AFG2B: variants seen among roughly 807,000 people sequenced by gnomAD.
The protein encoded by AFG2B is AAA ATPase AFG2B.
the AFG2B span, among the ~76,000 whole-genome samples, chr15:45,403,946 G>T: frequency 1.3e-5 from 2 of 152,280 alleles, no homozygotes; most frequent in Non-Finnish European, 2.9e-5. Context: ...GAAATAAAAA[G>T]GGAGAAGGTG....
At chr15:45,410,433 C>T in the AFG2B span, 1 of 1,613,918 alleles carries the variant, frequency 6.2e-7, no homozygotes, top group Non-Finnish European at 8.5e-7. Context: ...AATATTCAGC[C>T]CTCATCGTTT....
At chr15:45,403,528 C>T in the AFG2B span, 3 of 1,599,820 alleles carry the variant, frequency 1.9e-6, no homozygotes, top group Non-Finnish European at 1.7e-6. Context: ...GGTGAATGGG[C>T]TTGGCGGGTT....
the AFG2B span, chr15:45,418,677 A>G: frequency 6.2e-7 from 1 of 1,602,062 alleles, no homozygotes; most frequent in Non-Finnish European, 8.5e-7. Context: ...AAACCTCTGC[A>G]CAGAAGTAAG....
chr15:45,403,686 A>T, the AFG2B span, among the ~76,000 whole-genome samples: 1 of 152,090 alleles, frequency 6.6e-6, no homozygotes, highest in Non-Finnish European at 1.5e-5. Flanking sequence ...ATGATCTGTG[A>T]GTCAGGACCT....
the AFG2B span, among the ~76,000 whole-genome samples, chr15:45,409,816 A>G: frequency 6.6e-6 from 1 of 152,148 alleles, no homozygotes; most frequent in African/African-American, 2.4e-5. Flanking sequence ...GCAGTGAGCT[A>G]TGATAACATC....
the AFG2B span, chr15:45,407,055 CA>C: frequency 2.6e-5 from 33 of 1,289,198 alleles, no homozygotes; most frequent in African/African-American, 2.1e-4. Context: ...AAGCACCTCT[CA>C]CTTAGGTGGA....
chr15:45,413,545 G>C, the AFG2B span, among the ~76,000 whole-genome samples: 1 of 152,158 alleles, frequency 6.6e-6, no homozygotes, highest in Non-Finnish European at 1.5e-5. Flanking sequence ...TCTGTTTTAT[G>C]TTTCAAATAT....
chr15:45,407,349 G>A, the AFG2B span: 3 of 599,166 alleles, frequency 5.0e-6, no homozygotes, highest in Non-Finnish European at 7.0e-6. Context: ...TCCTATTAAA[G>A]GATTAGAACT....
chr15:45,412,400 A>G, the AFG2B span, among the ~76,000 whole-genome samples: 2 of 120,624 alleles, frequency 1.7e-5, no homozygotes, highest in Non-Finnish European at 3.0e-5. Flanking sequence ...CTCCGTCTCA[A>G]AAAAAAAAAA....
the AFG2B span, chr15:45,405,618 A>G: frequency 1.0e-6 from 1 of 968,628 alleles, no homozygotes. Flanking sequence ...GATAGCTTCC[A>G]CAGCTGTTGC....
chr15:45,402,706 A>T, the AFG2B span: 1 of 1,568,234 alleles, frequency 6.4e-7, no homozygotes, highest in Non-Finnish European at 8.6e-7. Flanking sequence ...ATCCCGGAGG[A>T]GTCTCAGCCT....
the AFG2B span, chr15:45,403,402 G>A: frequency 6.2e-7 from 1 of 1,610,688 alleles, no homozygotes; most frequent in South Asian, 1.1e-5. Context: ...AGTGGCCCAG[G>A]TGTTGACGCT....
chr15:45,402,711 C>T, the AFG2B span: 1 of 1,566,212 alleles, frequency 6.4e-7, no homozygotes, highest in Non-Finnish European at 8.6e-7. Flanking sequence ...GGAGGAGTCT[C>T]AGCCTGAATC....
the AFG2B span, among the ~76,000 whole-genome samples, chr15:45,416,490 C>T: frequency 6.6e-6 from 1 of 152,088 alleles, no homozygotes; most frequent in Non-Finnish European, 1.5e-5. Context: ...CATTCTTTTC[C>T]TATTTTAAAA....
At chr15:45,420,002 A>ACCC in the AFG2B span, among the ~76,000 whole-genome samples, 1 of 110,860 alleles carries the variant, frequency 9.0e-6, no homozygotes, top group African/African-American at 3.2e-5. Flanking sequence ...CCCCCCAAAA[A>ACCC]AAAAAAAAAA....
At chr15:45,415,854 A>G in the AFG2B span, 1 of 1,316,566 alleles carries the variant, frequency 7.6e-7, no homozygotes, top group African/African-American at 1.5e-5. Context: ...CCAACATTAA[A>G]TATAATGCAT....
At chr15:45,405,782 C>T in the AFG2B span, among the ~76,000 whole-genome samples, 1 of 152,012 alleles carries the variant, frequency 6.6e-6, no homozygotes, top group South Asian at 2.1e-4. Flanking sequence ...AATAGTGTGG[C>T]CCCAGAAGAA....
the AFG2B span, among the ~76,000 whole-genome samples, chr15:45,409,613 C>T: frequency 8.6e-5 from 13 of 151,964 alleles, no homozygotes; most frequent in African/African-American, 3.1e-4. Context: ...GTAATCCCAG[C>T]ACTTTGGGAG....
the AFG2B span, among the ~76,000 whole-genome samples, chr15:45,408,236 T>G: frequency 1.3e-5 from 2 of 152,212 alleles, no homozygotes; most frequent in African/African-American, 4.8e-5. Context: ...TTAAAACTTA[T>G]AGGAAAGTTG....
Sources: gnomAD v4.1 joint callset for allele counts (sites outside exome capture counted in the v4.1 genomes callset) on GRCh38, gnomAD v4.1.1 for gene constraint, MANE v1.5 for transcripts, NCBI Gene and HGNC (gene_info 2026-07-23, HGNC 2026-07-21) for gene names.